SLC41A3: variants seen among roughly 807,000 people sequenced by gnomAD.
SLC41A3 encodes solute carrier family 41 member 3, also known as SLC41A1-like 2.
Under a neutral mutation model 45.4 loss-of-function variants are expected in SLC41A3, and 44 were observed. That is an observed-to-expected ratio of 0.97 (90% CI 0.76 to 1.25). SLC41A3 has a LOEUF of 1.25. Among genes scored for constraint, SLC41A3 ranks in the 50% most tolerant of loss-of-function variants. The probability of loss-of-function intolerance (pLI) is 0.00; values close to 1 mark genes in which losing one functional copy is unlikely to be tolerated. For synonymous variants in SLC41A3, 256 were observed against 252.4 expected (o/e 1.01, Z -0.13); for missense variants, 550 against 600.6 (o/e 0.92, Z 0.88).
intron 1 of SLC41A3, among the ~76,000 whole-genome samples, chr3:126,068,855 C>T (rs1353136029): frequency 2.6e-5 from 4 of 152,084 alleles, no homozygotes; most frequent in South Asian, 4.2e-4. Context: ...CCTGGAAGAC[C>T]CCACTTGGAG....
chr3:126,061,177 T>C (rs1252559748), intron 2 of SLC41A3, among the ~76,000 whole-genome samples: 1 of 152,222 alleles, frequency 6.6e-6, no homozygotes, highest in East Asian at 1.9e-4. Context: ...CTGGGCCAGA[T>C]GGTCATTCTT....
At chr3:126,068,552 T>C (rs1944467493) in intron 1 of SLC41A3, among the ~76,000 whole-genome samples, 1 of 152,018 alleles carries the variant, frequency 6.6e-6, no homozygotes, top group Admixed American at 6.5e-5. Context: ...CAGCAAAAAC[T>C]GTCAAAATCA....
chr3:126,043,829 CA>C (rs370988840), intron 3 of SLC41A3, among the ~76,000 whole-genome samples: 6 of 23,722 alleles, frequency 2.5e-4, no homozygotes, highest in South Asian at 2.6e-3. Context: ...AACAAAAAAA[CA>C]AAAAAAAAAC....
At chr3:126,069,942 A>G (rs1462714208) in intron 1 of SLC41A3, among the ~76,000 whole-genome samples, 4 of 152,212 alleles carry the variant, frequency 2.6e-5, no homozygotes, top group African/African-American at 9.6e-5. Flanking sequence ...AAGAACGGAA[A>G]TGAAAAAGAA....
At chr3:126,011,104 C>G (rs369191067) in intron 9 of SLC41A3, among the ~76,000 whole-genome samples, 1 of 152,186 alleles carries the variant, frequency 6.6e-6, no homozygotes, top group Non-Finnish European at 1.5e-5. Flanking sequence ...ACGACACAGA[C>G]GTCAGCATCA....
chr3:126,025,270 G>A (rs967355894), intron 5 of SLC41A3: 1 of 152,204 alleles, frequency 6.6e-6, no homozygotes, highest in Non-Finnish European at 1.5e-5. Flanking sequence ...CCCCAAGGAA[G>A]GGGTATGTCT....
At chr3:126,033,578 A>G (rs1304454422) in intron 4 of SLC41A3, 29 bp downstream of exon 4, 1 of 1,606,968 alleles carries the variant, frequency 6.2e-7, no homozygotes, top group East Asian at 2.2e-5. Flanking sequence ...CAGATTCAGA[A>G]GGGAGGGTCG....
At chr3:126,083,264 G>C (rs574070371) in intron 1 of SLC41A3, among the ~76,000 whole-genome samples, 1 of 152,142 alleles carries the variant, frequency 6.6e-6, no homozygotes, top group Non-Finnish European at 1.5e-5. Context: ...TGGGGAACCC[G>C]CATTTCTAGC....
Position 126,056,513 on chromosome 3 carries a change from C to A in SLC41A3, c.274-5463G>T, listed in dbSNP as rs746195080. ...CAGCTGAAGCCTCGCAGCTTCTTGC[C>A]CTGAAAGCAAAACTCCAGATTCAGC... On this transcript the variant is annotated intron_variant, in intron 2 of 10. Coordinates refer to ENST00000360370, the MANE Select transcript of SLC41A3 (RefSeq NM_017836.4). 4 of 1,613,982 alleles carry A rather than the reference C, an allele frequency of 2.5e-6. No homozygotes were observed. The African/African-American group carries it at 5.3e-5, about 22-fold the overall frequency.
At chr3:126,086,490 T>G (rs2108123190), upstream of SLC41A3, among the ~76,000 whole-genome samples, 1 of 132,260 alleles carries the variant, frequency 7.6e-6, no homozygotes, top group East Asian at 2.3e-4. Flanking sequence ...AAGTAAAAGC[T>G]ATAGGATCTG....
At chr3:126,045,859 A>G (rs1301264262) in intron 3 of SLC41A3, among the ~76,000 whole-genome samples, 1 of 152,168 alleles carries the variant, frequency 6.6e-6, no homozygotes, top group Non-Finnish European at 1.5e-5. Flanking sequence ...AAAAATCTTC[A>G]AAAAATACTA....
Position 126,053,491 on chromosome 3 carries a change from G to A in SLC41A3, c.274-2441C>T, listed in dbSNP as rs372879239. Among the ~76,000 whole-genome samples, 4 of 152,280 alleles carry A rather than the reference G, an allele frequency of 2.6e-5. No individual in the cohort carries two copies. The East Asian group carries it at 7.7e-4, about 29-fold the overall frequency. ...AAGTGAAAAAATACTGGGTGACACT[G>A]TTAATCCAGTAACTAACCAATTCTG... On this transcript the variant is annotated intron_variant, in intron 2 of 10. Coordinates refer to ENST00000360370, the MANE Select transcript of SLC41A3 (RefSeq NM_017836.4).
At chr3:126,036,765 T>C (rs1163955562) in intron 3 of SLC41A3, among the ~76,000 whole-genome samples, 1 of 152,232 alleles carries the variant, frequency 6.6e-6, no homozygotes, top group Admixed American at 6.5e-5. Context: ...TTACTTTCTG[T>C]ATTTTTTTCT....
intron 1 of SLC41A3, among the ~76,000 whole-genome samples, chr3:126,080,824 G>A (rs180682037): frequency 2.0e-4 from 30 of 152,224 alleles, no homozygotes; most frequent in Middle Eastern, 3.4e-3. Context: ...GGTGACACAC[G>A]CCTGTAGTTC....
intron 2 of SLC41A3, among the ~76,000 whole-genome samples, chr3:126,055,920 A>G (rs2107928427): frequency 6.6e-6 from 1 of 152,288 alleles, no homozygotes; most frequent in Non-Finnish European, 1.5e-5. Flanking sequence ...CAGGGACCAC[A>G]GCATACAGAC....
intron 1 of SLC41A3, among the ~76,000 whole-genome samples, chr3:126,083,683 G>A (rs1433407349): frequency 6.6e-6 from 1 of 152,016 alleles, no homozygotes; most frequent in African/African-American, 2.4e-5. Flanking sequence ...AGCAGGCCAG[G>A]AAGGAGGAGA....
At chr3:126,007,368 G>T in intron 10 of SLC41A3, 143 bp from the exon 11 acceptor site, 1 of 878,856 alleles carries the variant, frequency 1.1e-6, no homozygotes, top group Non-Finnish European at 1.7e-6. Context: ...TTCTCTTGGG[G>T]TCTGAAGCCC....
At chr3:126,080,778 C>T (rs1016270920) in intron 1 of SLC41A3, among the ~76,000 whole-genome samples, 5 of 152,104 alleles carry the variant, frequency 3.3e-5, no homozygotes, top group African/African-American at 1.2e-4. Context: ...TGCCAAAACC[C>T]CATCTCTACT....
chr3:126,053,842 G>A (rs745982654), intron 2 of SLC41A3, among the ~76,000 whole-genome samples: 19 of 152,078 alleles, frequency 1.2e-4, no homozygotes, highest in African/African-American at 2.2e-4. Context: ...CTTGCCACCC[G>A]TGTCCTTCCT....
Sources: gnomAD v4.1 joint callset for allele counts (sites outside exome capture counted in the v4.1 genomes callset) on GRCh38, gnomAD v4.1.1 for gene constraint, MANE v1.5 for transcripts, NCBI Gene and HGNC (gene_info 2026-07-23, HGNC 2026-07-21) for gene names.